PREX1: variants seen among roughly 807,000 people sequenced by gnomAD.
PREX1 encodes phosphatidylinositol 3,4,5-trisphosphate-dependent Rac exchanger 1 protein.
In PREX1, 41 loss-of-function variants were observed where a neutral mutation model predicts 198.3. That is an observed-to-expected ratio of 0.21 (90% confidence interval 0.16 to 0.27). The LOEUF (loss-of-function observed/expected upper bound fraction) is 0.27. Ranked by LOEUF, PREX1 falls within the 10% of genes least tolerant of loss-of-function variation. The probability of loss-of-function intolerance (pLI) is 1.00; values close to 1 mark genes in which losing one functional copy is unlikely to be tolerated. For synonymous variants in PREX1, 843 were observed against 887.2 expected (o/e 0.95, Z 0.89); for missense variants, 1,620 against 2,200.7 (o/e 0.74, Z 5.28).
intron 5 of PREX1, among the ~76,000 whole-genome samples, chr20:48,715,470 A>G (rs529846414): frequency 6.6e-6 from 1 of 152,268 alleles, no homozygotes; most frequent in East Asian, 1.9e-4. Context: ...GGTCAAGAGA[A>G]TGGGTGCTGG....
At chr20:48,848,868 C>T in the PREX1 span, among the ~76,000 whole-genome samples, 1 of 152,184 alleles carries the variant, frequency 6.6e-6, no homozygotes, top group African/African-American at 2.4e-5. Flanking sequence ...TCCTGAGTAG[C>T]TGGGACTACA....
At chr20:48,854,365 C>A in the PREX1 span, among the ~76,000 whole-genome samples, 4 of 151,934 alleles carry the variant, frequency 2.6e-5, no homozygotes, top group Non-Finnish European at 4.4e-5. Context: ...GTGTGTCTGA[C>A]AGAGGGAGGG....
rs539198341 is a variant in PREX1, at chr20:48,677,008, G to A, written c.1590-740C>T. Among the ~76,000 whole-genome samples, 335 of 152,266 alleles carry A rather than the reference G, an allele frequency of 2.2e-3. 2 individuals are homozygous for A. The highest frequency in any genetic ancestry group is 7.5e-3 in the African/African-American group (310 of 41,538). On this transcript the variant is annotated intron_variant, in intron 13 of 39. Transcript: ENST00000371941. ...CATGGGTTCCGCTAACCTTGCAGCC[G>A]AACTGCAACAACTTCTCAGCCTCTG...
chr20:48,747,899 G>A lies in PREX1; in HGVS notation c.220-19C>T. 3 of 1,606,582 alleles carry A rather than the reference G, an allele frequency of 1.9e-6. No homozygotes were observed. Among genetic ancestry groups the A allele is most frequent in the Non-Finnish European group, 2.6e-6 (3 of 1,174,992 alleles). ...GGAATGCCTGGAGGAGAGAAGCAGA[G>A]AGAGGTGAGTGTCCGCGTCTCCAGC... On this transcript the variant is annotated intron_variant, in intron 1 of 39. Coordinates refer to ENST00000371941, the MANE Select transcript of PREX1 (RefSeq NM_020820.4).
At chr20:48,781,433 C>T (rs2090289350) in intron 1 of PREX1, among the ~76,000 whole-genome samples, 1 of 152,094 alleles carries the variant, frequency 6.6e-6, no homozygotes, top group Non-Finnish European at 1.5e-5. Flanking sequence ...CTGACCAAAC[C>T]AAATCACCTA....
rs77978814 is a variant in PREX1 at position 48,730,339 on chromosome 20, A to C, written c.520-3948T>G. ...TCAGAATAAAACGGAACATTCTCTA[A>C]GGCAAAGCCACGAGCTCCAACGTGA... On this transcript the variant is annotated intron_variant, in intron 4 of 39. Coordinates refer to ENST00000371941, the MANE Select transcript of PREX1 (RefSeq NM_020820.4). Among the ~76,000 whole-genome samples the C allele has an allele frequency of 1.6e-3, 241 of 152,116 alleles. 1 individual carries two copies. Among genetic ancestry groups the C allele is most frequent in the Admixed American group, 8.2e-3 (126 of 15,282 alleles).
At chr20:48,677,957 GC>G (rs2089720898) in intron 13 of PREX1, among the ~76,000 whole-genome samples, 1 of 151,962 alleles carries the variant, frequency 6.6e-6, no homozygotes, top group Non-Finnish European at 1.5e-5. Flanking sequence ...ATGCACTCCA[GC>G]CTGGGCAACA....
At chr20:48,752,910 A>C (rs1883744) in intron 1 of PREX1, among the ~76,000 whole-genome samples, 2 of 152,004 alleles carry the variant, frequency 1.3e-5, no homozygotes, top group African/African-American at 4.8e-5. Flanking sequence ...TGTTTCAAAC[A>C]TCCTTACTGT....
intron 5 of PREX1, among the ~76,000 whole-genome samples, chr20:48,721,543 C>T (rs895127530): frequency 1.3e-5 from 2 of 152,338 alleles, no homozygotes; most frequent in Middle Eastern, 3.4e-3. Flanking sequence ...CTTCAGGAAG[C>T]AAGCCTGGCT....
intron 1 of PREX1, among the ~76,000 whole-genome samples, chr20:48,748,205 T>A (rs1034014267): frequency 6.6e-6 from 1 of 152,050 alleles, no homozygotes; most frequent in African/African-American, 2.4e-5. Context: ...ACCTGCTTCC[T>A]CACCCAGGGG....
At chr20:48,654,771 G>A (rs1362081331) in intron 19 of PREX1, among the ~76,000 whole-genome samples, 1 of 152,176 alleles carries the variant, frequency 6.6e-6, no homozygotes, top group Non-Finnish European at 1.5e-5. Flanking sequence ...AAAAAAGTTT[G>A]GGGGCCCAGT....
At chr20:48,625,975 A>T in intron 39 of PREX1, 48 bp from the exon 40 acceptor site, 2 of 1,470,408 alleles carry the variant, frequency 1.4e-6, no homozygotes, top group South Asian at 2.7e-5. Context: ...GCGGGCCAGG[A>T]CCTATTTGTA....
chr20:48,742,514 AT>A (rs1451844299), intron 3 of PREX1, among the ~76,000 whole-genome samples: 2 of 152,004 alleles, frequency 1.3e-5, no homozygotes, highest in East Asian at 3.9e-4. Context: ...AAAATGCTTG[AT>A]CTCCCAGGCC....
upstream of PREX1, among the ~76,000 whole-genome samples, chr20:48,829,635 T>C (rs2090531273): frequency 6.6e-6 from 1 of 152,194 alleles, no homozygotes; most frequent in Non-Finnish European, 1.5e-5. Flanking sequence ...TTTTTATTTA[T>C]ATTTTTATTC....
chr20:48,866,658 G>A, the PREX1 span, among the ~76,000 whole-genome samples: 2 of 152,178 alleles, frequency 1.3e-5, no homozygotes, highest in African/African-American at 4.8e-5. Flanking sequence ...CAGGCACAGT[G>A]GCTCACACCT....
At chr20:48,734,349 T>C (rs903880112) in intron 4 of PREX1, among the ~76,000 whole-genome samples, 197 bp downstream of exon 4, 1 of 152,196 alleles carries the variant, frequency 6.6e-6, no homozygotes. Context: ...ACAGAAACTG[T>C]ATGGTACGCA....
At chr20:48,650,794 T>G in intron 23 of PREX1, 100 bp downstream of exon 23, 1 of 1,422,356 alleles carries the variant, frequency 7.0e-7, no homozygotes, top group Non-Finnish European at 9.6e-7. Flanking sequence ...TTGTTTCAGC[T>G]GAGTTGGGTT....
Position 48,743,485 on chromosome 20 carries a change from G to A in PREX1, c.414+1540C>T, listed in dbSNP as rs567861500. On this transcript the variant is annotated intron_variant, in intron 3 of 39. Coordinates refer to ENST00000371941, the MANE Select transcript of PREX1 (RefSeq NM_020820.4). Reference sequence around the variant, plus strand: ...TACTCCCCCTCACAGCAGCCAAAGGGCCTGTGGACCACTTCCCTCCTCTGC... The same window carrying A: ...TACTCCCCCTCACAGCAGCCAAAGGACCTGTGGACCACTTCCCTCCTCTGC... 3.3e-4 allele frequency among the ~76,000 whole-genome samples: 51 copies of A among 152,256 alleles called. 1 individual carries two copies. In the South Asian group the frequency reaches 0.011, roughly 32 times the overall value.
At chr20:48,634,810 T>C in intron 32 of PREX1, 35 bp from the exon 33 acceptor site, 1 of 1,573,446 alleles carries the variant, frequency 6.4e-7, no homozygotes, top group Non-Finnish European at 8.7e-7. Context: ...GAGTCTCAGA[T>C]GCCAACCCTG....
Sources: gnomAD v4.1 joint callset for allele counts (sites outside exome capture counted in the v4.1 genomes callset) on GRCh38, gnomAD v4.1.1 for gene constraint, MANE v1.5 for transcripts, NCBI Gene and HGNC (gene_info 2026-07-23, HGNC 2026-07-21) for gene names.